Variants in RBFOX1 observed in about 807,000 individuals in gnomAD.
RBFOX1 encodes the protein RNA binding protein fox-1 homolog 1.
In RBFOX1, 8 loss-of-function variants were observed where a neutral mutation model predicts 57.7. That is an observed-to-expected ratio of 0.14 (90% CI 0.08 to 0.25). RBFOX1 has a LOEUF of 0.25. Ranked by LOEUF, RBFOX1 falls within the 10% of genes least tolerant of loss-of-function variation. The pLI is 1.00. For synonymous variants in RBFOX1, 326 were observed against 222.4 expected (o/e 1.47, Z -4.15); for missense variants, 611 against 548.5 (o/e 1.11, Z -1.14).
chr16:7,082,083 T>C (rs2059288109), intron 4 of RBFOX1, among the ~76,000 whole-genome samples: 1 of 152,140 alleles, frequency 6.6e-6, no homozygotes, highest in African/African-American at 2.4e-5. Flanking sequence ...CCACCCCAAT[T>C]TGCAGGATCT....
chr16:5,340,184 A>C (rs139259619), intron 1 of RBFOX1, among the ~76,000 whole-genome samples: 4 of 152,330 alleles, frequency 2.6e-5, no homozygotes, highest in African/African-American at 9.6e-5. Context: ...GACAAAAGAC[A>C]GTTGCTTACA....
intron 1 of RBFOX1, among the ~76,000 whole-genome samples, chr16:6,273,563 C>G (rs1046706747): frequency 2.0e-5 from 3 of 151,890 alleles, no homozygotes; most frequent in African/African-American, 7.2e-5. Context: ...TCAGGCTGGT[C>G]TGGAACTTCT....
chr16:6,891,631 T>C (rs940932504), intron 3 of RBFOX1, among the ~76,000 whole-genome samples: 2 of 152,254 alleles, frequency 1.3e-5, no homozygotes, highest in Admixed American at 6.5e-5. Context: ...GCAGCATTCC[T>C]TTCCTTGCTT....
chr16:7,134,238 A>G (rs1168125634), intron 4 of RBFOX1, among the ~76,000 whole-genome samples: 13 of 152,202 alleles, frequency 8.5e-5, no homozygotes. Context: ...GGTGATCAAT[A>G]GAGCTGTGCT....
rs1228130520 is a variant in RBFOX1, at chr16:6,863,655, GT to G, written c.-15-188391del. On this transcript the variant is annotated intron_variant, in intron 3 of 15. Coordinates refer to ENST00000550418, the MANE Select transcript of RBFOX1 (RefSeq NM_018723.4). ...AATGGCATCAAAATACCAAGGTTCT[GT>G]TTTTTTTTTTCCTTAAAAAAAAAAA... Among the ~76,000 whole-genome samples, 76 of 58,432 alleles carry G rather than the reference GT, an allele frequency of 1.3e-3. 1 individual carries two copies. The highest frequency in any genetic ancestry group is 4.1e-3 in the South Asian group (6 of 1,478). The allele number at this position is 58,432 out of a possible 152,430, so 38.3% of individuals were successfully genotyped here.
At chr16:6,610,293 G>A (rs1235133626) in intron 2 of RBFOX1, among the ~76,000 whole-genome samples, 1 of 149,966 alleles carries the variant, frequency 6.7e-6, no homozygotes, top group African/African-American at 2.4e-5. Flanking sequence ...CATGAATTAT[G>A]GAAGAAACTC....
intron 4 of RBFOX1, among the ~76,000 whole-genome samples, chr16:5,990,105 C>T (rs1363133858): frequency 6.6e-6 from 1 of 152,158 alleles, no homozygotes; most frequent in Non-Finnish European, 1.5e-5. Context: ...TGCTCCTCAG[C>T]CTCTGGAGTA....
chr16:7,309,901 C>T lies in RBFOX1; in HGVS notation c.28-208246C>T, dbSNP rs543730246. Among the ~76,000 whole-genome samples the T allele has an allele frequency of 2.6e-4, 39 of 152,232 alleles. No homozygotes were observed. In the South Asian group the frequency reaches 4.4e-3, roughly 17 times the overall value. On this transcript the variant is annotated intron_variant, in intron 4 of 15. Coordinates refer to ENST00000550418, the MANE Select transcript of RBFOX1 (RefSeq NM_018723.4). ...CATCTGCAGACCCCTTTTTAATGGA[C>T]GGGGAGAAGTGTCCCAATGTTCTGT...
intron 4 of RBFOX1, among the ~76,000 whole-genome samples, chr16:7,282,316 T>G (rs2095561505): frequency 6.6e-6 from 1 of 152,208 alleles, no homozygotes; most frequent in East Asian, 1.9e-4. Context: ...CCACAGTTAC[T>G]TGTTCACCCC....
intron 3 of RBFOX1, among the ~76,000 whole-genome samples, chr16:6,817,544 A>T (rs2154271709): frequency 6.7e-6 from 1 of 150,096 alleles, no homozygotes; most frequent in Non-Finnish European, 1.5e-5. Flanking sequence ...AAAAAAAAAA[A>T]AAAAAAAAAA....
At chr16:5,643,490 G>T (rs1163693492) in intron 3 of RBFOX1, among the ~76,000 whole-genome samples, 1 of 152,172 alleles carries the variant, frequency 6.6e-6, no homozygotes. Context: ...TGGAGATTCT[G>T]AGCATCTGAC....
intron 3 of RBFOX1, among the ~76,000 whole-genome samples, chr16:7,021,954 T>TTC (rs1157412212): frequency 7.2e-5 from 10 of 138,148 alleles, no homozygotes; most frequent in Admixed American, 1.4e-4. Flanking sequence ...TTTCTTTTCT[T>TTC]TCTCTCTCTC....
At chr16:7,011,928 T>G (rs2093672814) in intron 3 of RBFOX1, among the ~76,000 whole-genome samples, 1 of 152,198 alleles carries the variant, frequency 6.6e-6, no homozygotes, top group African/African-American at 2.4e-5. Flanking sequence ...CTTCTGCACA[T>G]TTCTCTCTGG....
intron 2 of RBFOX1, among the ~76,000 whole-genome samples, chr16:6,339,043 G>A (rs540997076): frequency 1.3e-5 from 2 of 152,298 alleles, no homozygotes; most frequent in African/African-American, 4.8e-5. Flanking sequence ...AGAAGGATCA[G>A]GAGTGGAATG....
intron 2 of RBFOX1, among the ~76,000 whole-genome samples, chr16:6,431,733 G>C (rs1052015780): frequency 1.6e-4 from 24 of 152,090 alleles, no homozygotes; most frequent in Admixed American, 1.3e-3. Context: ...GGGTGCTCCT[G>C]TAGTCCTGGC....
chr16:6,507,507 C>CAAAAAAAAAAAAAAAAAA (rs57685233), intron 2 of RBFOX1, among the ~76,000 whole-genome samples: 1 of 97,208 alleles, frequency 1.0e-5, no homozygotes, highest in African/African-American at 4.0e-5. Context: ...CCTATCTGTA[C>CAAAAAAAAAAAAAAAAAA]AAAAAAAAAA....
chr16:6,707,438 G>A (rs772867069), intron 3 of RBFOX1, among the ~76,000 whole-genome samples: 2 of 150,340 alleles, frequency 1.3e-5, no homozygotes, highest in South Asian at 2.1e-4. Flanking sequence ...AACTACATGT[G>A]GGAAAATGCT....
chr16:5,810,289 A>G (rs1039941710), intron 3 of RBFOX1, among the ~76,000 whole-genome samples: 2 of 152,192 alleles, frequency 1.3e-5, no homozygotes, highest in African/African-American at 4.8e-5. Flanking sequence ...ACTAACCTGC[A>G]CATTGTGCAC....
intron 1 of RBFOX1, among the ~76,000 whole-genome samples, chr16:5,348,560 G>A (rs2065193753): frequency 6.6e-6 from 1 of 152,116 alleles, no homozygotes; most frequent in African/African-American, 2.4e-5. Context: ...AACCTAGGTT[G>A]GCTACCCCAT....
Sources: allele counts gnomAD v4.1 joint callset (sites outside exome capture counted in the v4.1 genomes callset), GRCh38; gene constraint gnomAD v4.1.1; transcripts MANE v1.5; gene names NCBI Gene and HGNC (gene_info 2026-07-23, HGNC 2026-07-21).